Variants in C12orf56 observed in about 807,000 individuals in gnomAD.
C12orf56 encodes the protein chromosome 12 open reading frame 56.
Under a neutral mutation model 69.9 loss-of-function variants are expected in C12orf56, and 71 were observed. That is an observed-to-expected ratio of 1.02 (90% CI 0.84 to 1.24). The LOEUF is 1.24. Ranked by LOEUF, C12orf56 falls within the 50% of genes most tolerant of loss-of-function variation. The pLI, the probability that C12orf56 is intolerant of heterozygous loss-of-function variation, is 0.00. For missense variants in C12orf56, 732 were observed against 738.5 expected (o/e 0.99, Z 0.10); for synonymous variants, 276 against 274.1 (o/e 1.01, Z -0.07).
chr12:64,276,869 C>T (rs2038057167), intron 9 of C12orf56, among the ~76,000 whole-genome samples: 2 of 151,778 alleles, frequency 1.3e-5, no homozygotes, highest in Non-Finnish European at 2.9e-5. Flanking sequence ...TGGCTCATGC[C>T]TGTAGTCCTA....
chr12:64,315,967 G>A (rs1363488743), intron 4 of C12orf56, among the ~76,000 whole-genome samples: 1 of 151,092 alleles, frequency 6.6e-6, no homozygotes, highest in Non-Finnish European at 1.5e-5. Context: ...TATTGAACTA[G>A]TAGCTTATTG....
intron 6 of C12orf56, among the ~76,000 whole-genome samples, chr12:64,302,569 G>T (rs10878141): frequency 0.7 from 106,580 of 151,908 alleles, 38,516 homozygotes; most frequent in Non-Finnish European, 0.79. Flanking sequence ...GCCAGAATTA[G>T]GATAAAATAT....
At chr12:64,387,110 A>AAAAAAAT (rs2039804855) in intron 1 of C12orf56, among the ~76,000 whole-genome samples, 1 of 123,802 alleles carries the variant, frequency 8.1e-6, no homozygotes, top group African/African-American at 2.7e-5. Flanking sequence ...AAAAAAAAAA[A>AAAAAAAT]GATGTGTTCA....
chr12:64,364,910 C>T (rs1244174702), intron 1 of C12orf56, among the ~76,000 whole-genome samples: 1 of 152,000 alleles, frequency 6.6e-6, no homozygotes, highest in Non-Finnish European at 1.5e-5. Context: ...TACCCCAGGC[C>T]TAGAAGTCAG....
In C12orf56 at chr12:64,353,106, C is replaced by T. The variant is rs569749599; in HGVS notation, c.253-50G>A. On this transcript the variant is annotated intron_variant, in intron 1 of 12. Transcript: ENST00000543942. ...ATTGAAGACAAATACAACTGCTTAC[C>T]TATTTTGGTATAATAAATCCCCCAA... The T allele has an allele frequency of 3.4e-5, 53 of 1,557,180 alleles. No individual in the cohort carries two copies. The South Asian group carries it at 5.3e-4, about 16-fold the overall frequency.
chr12:64,296,198 A>T (rs1051789639), intron 6 of C12orf56, among the ~76,000 whole-genome samples: 6 of 152,194 alleles, frequency 3.9e-5, no homozygotes, highest in African/African-American at 1.4e-4. Flanking sequence ...AATTTGGAGG[A>T]GCAACCTAGA....
At chr12:64,280,548 T>C (rs1306526381) in intron 8 of C12orf56, among the ~76,000 whole-genome samples, 1 of 152,172 alleles carries the variant, frequency 6.6e-6, no homozygotes, top group Non-Finnish European at 1.5e-5. Flanking sequence ...TAGCTCTGAA[T>C]ATGTTTGTCT....
At chr12:64,297,571 C>A (rs935335174) in intron 6 of C12orf56, among the ~76,000 whole-genome samples, 33 of 152,080 alleles carry the variant, frequency 2.2e-4, no homozygotes, top group Admixed American at 1.6e-3. Flanking sequence ...GTGTGATGTT[C>A]CCCTCCCTGT....
At chr12:64,355,718 A>C (rs1005000759) in intron 1 of C12orf56, 1 of 152,206 alleles carries the variant, frequency 6.6e-6, no homozygotes, top group African/African-American at 2.4e-5. Context: ...CTTGAGCATT[A>C]TTTTAAGTGT....
At chr12:64,308,768 G>C (rs7964829) in intron 5 of C12orf56, among the ~76,000 whole-genome samples, 61,641 of 150,160 alleles carry the variant, frequency 0.41, 12,762 homozygotes, top group African/African-American at 0.43. Flanking sequence ...GCTTGAACCC[G>C]GGTGGTGGAG....
intron 2 of C12orf56, chr12:64,338,552 A>T: frequency 6.9e-7 from 1 of 1,458,756 alleles, no homozygotes; most frequent in African/African-American, 1.4e-5. Context: ...GAGGACTTTG[A>T]GTCTTGCTTG....
intron 5 of C12orf56, among the ~76,000 whole-genome samples, chr12:64,309,265 A>G (rs1283473209): frequency 1.3e-5 from 2 of 152,302 alleles, no homozygotes; most frequent in African/African-American, 4.8e-5. Context: ...CAGAAATTCT[A>G]TACCCATTAA....
At chr12:64,383,145 T>G (rs961861466) in intron 1 of C12orf56, among the ~76,000 whole-genome samples, 6 of 151,714 alleles carry the variant, frequency 4.0e-5, no homozygotes, top group Non-Finnish European at 7.4e-5. Flanking sequence ...AGCAAAACTC[T>G]GTCTCTACAA....
At chr12:64,284,807 A>G in intron 7 of C12orf56, 54 bp from the exon 8 acceptor site, 2 of 1,355,940 alleles carry the variant, frequency 1.5e-6, no homozygotes. Context: ...TTAGAAGCTC[A>G]GAATTCCACA....
chr12:64,310,171 C>T (rs537832297), intron 5 of C12orf56, among the ~76,000 whole-genome samples: 1 of 152,094 alleles, frequency 6.6e-6, no homozygotes, highest in Non-Finnish European at 1.5e-5. Context: ...GCACACCTGG[C>T]ATTTTTAAAT....
chr12:64,295,093 GGCT>G (rs902227670), intron 6 of C12orf56, among the ~76,000 whole-genome samples: 88 of 152,180 alleles, frequency 5.8e-4, no homozygotes, highest in African/African-American at 1.8e-3. Flanking sequence ...ATGCTGGCCA[GGCT>G]GGTCTTGAAC....
At chr12:64,326,454 G>T (rs1344877672) in intron 3 of C12orf56, among the ~76,000 whole-genome samples, 1 of 152,170 alleles carries the variant, frequency 6.6e-6, no homozygotes, top group East Asian at 1.9e-4. Context: ...AATGTTCTGG[G>T]CACAGTGGCT....
chr12:64,299,003 TC>T (rs1391496528), intron 6 of C12orf56, among the ~76,000 whole-genome samples: 4 of 152,244 alleles, frequency 2.6e-5, no homozygotes, highest in Non-Finnish European at 5.9e-5. Context: ...TATTGATTCT[TC>T]CTATCCATGA....
chr12:64,277,890 T>C, intron 8 of C12orf56, 87 bp from the exon 9 acceptor site: 1 of 1,122,910 alleles, frequency 8.9e-7, no homozygotes, highest in Non-Finnish European at 1.2e-6. Flanking sequence ...TGGATATAAT[T>C]ATGTTTAAAA....
Sources: gnomAD v4.1 joint callset for allele counts (sites outside exome capture counted in the v4.1 genomes callset) on GRCh38, gnomAD v4.1.1 for gene constraint, MANE v1.5 for transcripts, NCBI Gene and HGNC (gene_info 2026-07-23, HGNC 2026-07-21) for gene names.